The following GABRA2 variants were observed in gnomAD, a reference collection of about 807,000 sequenced individuals.
GABRA2 encodes the protein gamma-aminobutyric acid receptor subunit alpha-2.
A neutral mutation model predicts 48.7 loss-of-function variants in GABRA2; 16 were observed. That is an observed-to-expected ratio of 0.33 (90% confidence interval 0.22 to 0.50). The LOEUF is 0.50. Among genes scored for constraint, GABRA2 ranks in the 20% least tolerant of loss-of-function variants. The pLI is 0.98. For missense variants in GABRA2, 275 were observed against 535.6 expected (o/e 0.51, Z 4.80); for synonymous variants, 185 against 184.5 (o/e 1.00, Z -0.02).
intron 8 of GABRA2, among the ~76,000 whole-genome samples, chr4:46,296,426 A>G (rs1053648174): frequency 2.0e-5 from 3 of 152,144 alleles, no homozygotes; most frequent in African/African-American, 7.2e-5. Context: ...AGTCAACAGA[A>G]TAAGAAGGGA....
intron 8 of GABRA2, among the ~76,000 whole-genome samples, chr4:46,294,226 T>A (rs762781901): frequency 6.6e-6 from 1 of 152,232 alleles, no homozygotes; most frequent in South Asian, 2.1e-4. Flanking sequence ...ACTATGCTGA[T>A]TGCAACCAGC....
At chr4:46,297,285 G>A (rs755147351) in intron 8 of GABRA2, among the ~76,000 whole-genome samples, 16 of 151,554 alleles carry the variant, frequency 1.1e-4, no homozygotes, top group Admixed American at 5.3e-4. Flanking sequence ...GCAAAAAAAC[G>A]TGGAAAGATT....
chr4:46,363,306 A>T (rs572400864), intron 3 of GABRA2, among the ~76,000 whole-genome samples: 2 of 152,264 alleles, frequency 1.3e-5, no homozygotes, highest in East Asian at 3.9e-4. Flanking sequence ...AACGGATAGA[A>T]CTAGGAGATA....
chr4:46,278,820 A>C (rs1720988181), intron 8 of GABRA2, among the ~76,000 whole-genome samples: 1 of 152,114 alleles, frequency 6.6e-6, no homozygotes, highest in Non-Finnish European at 1.5e-5. Flanking sequence ...GTTCCAGAGT[A>C]GAATTAAATG....
At chr4:46,359,535 T>C (rs187774012) in intron 3 of GABRA2, among the ~76,000 whole-genome samples, 1 of 152,160 alleles carries the variant, frequency 6.6e-6, no homozygotes, top group East Asian at 1.9e-4. Context: ...CAAGTAATAA[T>C]GGAAATATCT....
At chr4:46,259,680 G>T (rs1716564771) in intron 9 of GABRA2, among the ~76,000 whole-genome samples, 1 of 151,738 alleles carries the variant, frequency 6.6e-6, no homozygotes. Context: ...TTGCTCGTTG[G>T]ATTGACAGAT....
At chr4:46,373,637 A>G (rs1240479634) in intron 3 of GABRA2, among the ~76,000 whole-genome samples, 1 of 152,168 alleles carries the variant, frequency 6.6e-6, no homozygotes, top group Non-Finnish European at 1.5e-5. Context: ...ACTCAAAATG[A>G]TAAAAGGATC....
At chr4:46,292,460 G>T (rs77735345) in intron 8 of GABRA2, among the ~76,000 whole-genome samples, 3,894 of 152,290 alleles carry the variant, frequency 0.026, 62 homozygotes, top group Middle Eastern at 0.061. Flanking sequence ...GAATGAAGAT[G>T]TGTAGGAGGA....
chr4:46,346,787 CA>C (rs1208915868), intron 3 of GABRA2, among the ~76,000 whole-genome samples: 7 of 151,254 alleles, frequency 4.6e-5, no homozygotes, highest in Non-Finnish European at 8.9e-5. Context: ...AAGTCCTAAC[CA>C]GAGCAATTAA....
chr4:46,389,622 C>T (rs1318745632), intron 1 of GABRA2, 113 bp downstream of exon 1: 2 of 602,440 alleles, frequency 3.3e-6, no homozygotes, highest in Admixed American at 6.4e-5. Context: ...GGAATTGAGC[C>T]TCCTCCGTTT....
chr4:46,334,789 T>G (rs1391655784), intron 3 of GABRA2, among the ~76,000 whole-genome samples: 1 of 152,138 alleles, frequency 6.6e-6, no homozygotes, highest in African/African-American at 2.4e-5. Context: ...AAGAAATGGT[T>G]TCATGGATTA....
intron 3 of GABRA2, among the ~76,000 whole-genome samples, chr4:46,378,298 A>C (rs1478613611): frequency 6.6e-6 from 1 of 152,124 alleles, no homozygotes; most frequent in Non-Finnish European, 1.5e-5. Context: ...GAGACTTTTC[A>C]TTTTGTTCTG....
At chr4:46,378,831 A>C (rs533918134) in intron 3 of GABRA2, among the ~76,000 whole-genome samples, 23 of 152,002 alleles carry the variant, frequency 1.5e-4, no homozygotes, top group African/African-American at 5.5e-4. Flanking sequence ...CTGCCTCAAA[A>C]AAAAAAAAAA....
At chr4:46,383,251 T>C (rs1271139282) in intron 3 of GABRA2, among the ~76,000 whole-genome samples, 1 of 152,166 alleles carries the variant, frequency 6.6e-6, no homozygotes, top group Non-Finnish European at 1.5e-5. Context: ...GTTTCACAGA[T>C]GACAAATATA....
At position 46,250,498 on chromosome 4, in the gene GABRA2, T is replaced by C; in HGVS notation, c.1166A>G (p.Lys389Arg). 2 of 1,612,030 alleles carry C rather than the reference T, an allele frequency of 1.2e-6. No individual in the cohort carries two copies. The highest frequency in any genetic ancestry group is 1.7e-6 in the Non-Finnish European group (2 of 1,178,666). ...GTTGGGTTCTGGCGTGGTTGCACTC[T>C]TGGAGATGGTGGAGAGAACTGGATC... is the stretch of plus-strand genomic sequence containing the variant. ...SKDPVLSTIS[K>R]SATTPEPNKK... The change falls in exon 10 of 10, where the codon AAG (lysine) becomes AGG (arginine). Residue 389 changes from lysine to arginine, a missense_variant. Around this residue, in one of 4 missense-constraint regions of GABRA2, gnomAD observed 99 missense variants for 124.3 expected, o/e 0.80. Transcript: ENST00000381620.
In GABRA2 at chr4:46,390,056, G is replaced by A. The variant is rs1462745084; in HGVS notation, c.-332C>T. 4.0e-5 allele frequency: 7 copies of A among 174,914 alleles called. No homozygotes were observed. The highest frequency in any genetic ancestry group is 5.4e-4 in the Admixed American group (1 of 1,868). The allele number at this position is 174,914 out of a possible 1,614,324, so 10.8% of individuals were successfully genotyped here. ...GAAAACGATGACAGGAGCTGGGGCCGGGGGGGGAAATTGGGGGGACGCGGG... is the reference window on the plus strand; with the variant it reads ...GAAAACGATGACAGGAGCTGGGGCCAGGGGGGGAAATTGGGGGGACGCGGG... On this transcript the variant is annotated 5_prime_UTR_variant, in exon 1 of 10. Transcript: ENST00000381620.
intron 3 of GABRA2, among the ~76,000 whole-genome samples, chr4:46,357,397 C>G (rs989735336): frequency 1.4e-4 from 20 of 147,800 alleles, no homozygotes; most frequent in African/African-American, 5.0e-4. Context: ...AGGCATGCTT[C>G]TTATCTAGTA....
At chr4:46,389,143 G>T (rs200130520) in intron 1 of GABRA2, 3 of 991,858 alleles carry the variant, frequency 3.0e-6, no homozygotes, top group African/African-American at 1.7e-5. Context: ...GGTACTTCAC[G>T]CCACAACCCC....
chr4:46,265,147 T>G (rs1415101975), intron 8 of GABRA2, among the ~76,000 whole-genome samples: 1 of 150,120 alleles, frequency 6.7e-6, no homozygotes, highest in East Asian at 2.0e-4. Flanking sequence ...ACAATTCTTG[T>G]GCCTCAGCAC....
Sources: gnomAD v4.1 joint callset for allele counts (sites outside exome capture counted in the v4.1 genomes callset) on GRCh38, gnomAD v4.1.1 for gene constraint, gnomAD v4.1.1 regional missense constraint, MANE v1.5 for transcripts, NCBI Gene and HGNC (gene_info 2026-07-23, HGNC 2026-07-21) for gene names.